Variants in C11orf65 observed in about 807,000 individuals in gnomAD.
C11orf65 encodes chromosome 11 open reading frame 65.
C11orf65 carries 38 observed loss-of-function variants against 35.3 expected under a neutral mutation model. That is an observed-to-expected ratio of 1.08 (90% CI 0.83 to 1.41). C11orf65 has a LOEUF of 1.41. C11orf65 is among the 40% of genes most tolerant of loss of function. The pLI is 0.00. For missense variants in C11orf65, 370 were observed against 367.1 expected (o/e 1.01, Z -0.06); for synonymous variants, 105 against 114.4 (o/e 0.92, Z 0.53).
chr11:108,450,685 T>C lies in C11orf65; in HGVS notation c.81+10794A>G, dbSNP rs182838546. On this transcript the variant is annotated intron_variant, in intron 2 of 8. Coordinates refer to ENST00000393084, the MANE Select transcript of C11orf65 (RefSeq NM_152587.5). The stretch of plus-strand genomic sequence containing the variant: ...ATATACCTAATGCTAAATGATGAGT[T>C]AATGGGTGCAGTACACCAACACGGC... Among the ~76,000 whole-genome samples the C allele has an allele frequency of 2.2e-4, 32 of 148,030 alleles. 2 individuals are homozygous for C. The East Asian group carries it at 5.6e-3, about 26-fold the overall frequency.
chr11:108,334,368 T>A (rs1338178036), intron 3 of C11orf65, among the ~76,000 whole-genome samples: 1 of 152,146 alleles, frequency 6.6e-6, no homozygotes, highest in Non-Finnish European at 1.5e-5. Flanking sequence ...CAGTATTAAG[T>A]AATATAGTAT....
In C11orf65 at chr11:108,393,356, C is replaced by G; in HGVS notation, c.583G>C (p.Ala195Pro). 1 of 1,613,868 alleles carries G rather than the reference C, an allele frequency of 6.2e-7. No individual in the cohort carries two copies. Among genetic ancestry groups the G allele is most frequent in the East Asian group, 2.2e-5 (1 of 44,860 alleles). ...AGAGTTTCATGATGTGTTGACTTAG[C>G]CTCCAGACTTCCTGAGTAGTACCTA... is the stretch of plus-strand genomic sequence containing the variant. ...RQMYYSGSLE[A>P]KSTHHETLGL... Residue 195 changes from alanine to proline, a missense_variant, in exon 7 of 9, where the codon GCT (alanine) becomes CCT (proline). Coordinates refer to ENST00000393084, the MANE Select transcript of C11orf65 (RefSeq NM_152587.5).
chr11:108,413,102 G>C (rs188139896), intron 3 of C11orf65, among the ~76,000 whole-genome samples: 24 of 152,084 alleles, frequency 1.6e-4, no homozygotes, highest in Non-Finnish European at 2.8e-4. Flanking sequence ...ACACTTCTTC[G>C]AACAACAGAA....
At chr11:108,357,527 GC>G (rs1761007342) in intron 2 of C11orf65, among the ~76,000 whole-genome samples, 2 of 152,196 alleles carry the variant, frequency 1.3e-5, no homozygotes, top group South Asian at 4.1e-4. Context: ...AGTAACCTCT[GC>G]AGACTTAAAT....
At chr11:108,355,169 T>C in intron 2 of C11orf65, 1 of 367,198 alleles carries the variant, frequency 2.7e-6, no homozygotes, top group Non-Finnish European at 5.0e-6. Flanking sequence ...GGTATTATTA[T>C]TTTCAGAATG....
intron 3 of C11orf65, among the ~76,000 whole-genome samples, chr11:108,412,644 G>T (rs1401616650): frequency 6.6e-6 from 1 of 152,182 alleles, no homozygotes; most frequent in African/African-American, 2.4e-5. Flanking sequence ...GCTGGGGCGG[G>T]AGGATCACTT....
chr11:108,347,440 G>T, intron 2 of C11orf65: 1 of 1,209,352 alleles, frequency 8.3e-7, no homozygotes, highest in Middle Eastern at 2.7e-4. Flanking sequence ...TGCCTACCAA[G>T]ATATTACAAA....
chr11:108,375,821 GC>G (rs2091707812), intron 2 of C11orf65, among the ~76,000 whole-genome samples: 1 of 152,056 alleles, frequency 6.6e-6, no homozygotes, highest in Non-Finnish European at 1.5e-5. Context: ...ACAAAAAAAG[GC>G]AGGGGTTGCA....
At chr11:108,316,962 G>A (rs73008229) in intron 6 of C11orf65, among the ~76,000 whole-genome samples, 16,142 of 151,710 alleles carry the variant, frequency 0.11, 1,204 homozygotes, top group Non-Finnish European at 0.14. Context: ...GAGATAAGGT[G>A]TCACCCTGTT....
downstream of C11orf65, among the ~76,000 whole-genome samples, chr11:108,379,566 T>C (rs938999539): frequency 1.3e-5 from 2 of 151,878 alleles, no homozygotes; most frequent in Non-Finnish European, 2.9e-5. Flanking sequence ...GCATGGCACA[T>C]GTATACATAT....
chr11:108,355,300 G>T, intron 2 of C11orf65: 1 of 217,942 alleles, frequency 4.6e-6, no homozygotes, highest in Non-Finnish European at 9.3e-6. Context: ...AGAGGAACAT[G>T]GCTTAGGAAT....
intron 2 of C11orf65, among the ~76,000 whole-genome samples, chr11:108,438,962 T>C (rs145198827): frequency 4.0e-5 from 6 of 151,358 alleles, no homozygotes; most frequent in Admixed American, 3.9e-4. Context: ...ACCGAGACTG[T>C]GCCACTGCAC....
chr11:108,331,252 C>T, downstream of C11orf65: 1 of 1,304,080 alleles, frequency 7.7e-7, no homozygotes, highest in Non-Finnish European at 9.8e-7. Context: ...TTTACCAATG[C>T]ATTAATCTAG....
Position 108,365,689 on chromosome 11 carries a change from A to G in C11orf65, c.226+27519T>C. The G allele has an allele frequency of 3.9e-6, 3 of 770,102 alleles. No individual in the cohort carries two copies. In the East Asian group the frequency reaches 8.1e-5, roughly 21 times the overall value. 47.7% of individuals were successfully genotyped at this position (770,102 alleles called of 1,614,324 possible). A position where few individuals can be genotyped will look rare whatever the true frequency, so the allele number is the denominator to read the frequency against. ...ACTCAAAAATGTTTTGATGGTCTTA[A>G]GGAACATCTCTGCTTTCACTCTTTA... On this transcript the variant is annotated intron_variant, in intron 2 of 3. Coordinates refer to the C11orf65 transcript ENST00000524755.
chr11:108,381,611 TTTCTCTAATTTCTAA>T (rs545427971), downstream of C11orf65, among the ~76,000 whole-genome samples: 101 of 152,324 alleles, frequency 6.6e-4, 2 homozygotes, highest in South Asian at 2.3e-3. Flanking sequence ...TAATTTCTAA[TTTCTCTAATTTCTAA>T]TTCTCTAATT....
intron 2 of C11orf65, among the ~76,000 whole-genome samples, chr11:108,437,061 C>T (rs2093069458): frequency 7.5e-6 from 1 of 134,008 alleles, no homozygotes; most frequent in African/African-American, 2.8e-5. Flanking sequence ...AGTTTGAGAC[C>T]CACCAGGTCA....
rs1165782891 is a variant in C11orf65 at position 108,418,470 on chromosome 11, T to C, written c.175-11321A>G. Among the ~76,000 whole-genome samples, 10 of 152,230 alleles carry C rather than the reference T, an allele frequency of 6.6e-5. No homozygotes were observed. In the East Asian group the frequency reaches 9.6e-4, roughly 15 times the overall value. On this transcript the variant is annotated intron_variant, in intron 3 of 8. Transcript: ENST00000393084. The stretch of plus-strand genomic sequence containing the variant: ...AAAATATTTTGAACTGAATTTGATA[T>C]GAAAATATGACATATCAAAACTTGT...
At position 108,452,652 on chromosome 11, in the gene C11orf65, G is replaced by A. The variant is rs552182284; in HGVS notation, c.81+8827C>T. On this transcript the variant is annotated intron_variant, in intron 2 of 8. Coordinates refer to ENST00000393084, the MANE Select transcript of C11orf65 (RefSeq NM_152587.5). ...TGAGCCAGCCATCCCATTACTGGGT[G>A]TATATCCAAAGGATTATAAATCATG... 1.3e-4 allele frequency among the ~76,000 whole-genome samples: 20 copies of A among 152,262 alleles called. No individual in the cohort carries two copies. The South Asian group carries it at 3.9e-3, about 30-fold the overall frequency.
intron 2 of C11orf65, among the ~76,000 whole-genome samples, chr11:108,448,069 C>A (rs2093290671): frequency 6.6e-6 from 1 of 152,090 alleles, no homozygotes; most frequent in Admixed American, 6.6e-5. Context: ...ATACACCCTC[C>A]CAAGACTAAA....
Sources: allele counts gnomAD v4.1 joint callset (sites outside exome capture counted in the v4.1 genomes callset), GRCh38; gene constraint gnomAD v4.1.1; transcripts MANE v1.5; gene names NCBI Gene and HGNC (gene_info 2026-07-23, HGNC 2026-07-21).